The following ZNF469 variants were observed in gnomAD, a reference collection of about 807,000 sequenced individuals.
The protein encoded by ZNF469 is zinc finger protein 469.
Under a neutral mutation model 1.0 loss-of-function variants are expected in ZNF469, and 1 was observed. That is an observed-to-expected ratio of 1.00 (90% CI 0.35 to 4.73). The LOEUF is 4.73. Among genes scored for constraint, ZNF469 ranks in the 30% most tolerant of loss-of-function variants. The pLI is 0.16. For missense variants in ZNF469, 6,100 were observed against 5,356.3 expected (o/e 1.14, Z -4.33); for synonymous variants, 2,703 against 2,363.4 (o/e 1.14, Z -4.17).
chr16:88,154,226 C>T, the ZNF469 span, among the ~76,000 whole-genome samples: 8 of 152,328 alleles, frequency 5.3e-5, no homozygotes, highest in Middle Eastern at 3.4e-3. Flanking sequence ...GGCGTGATCT[C>T]GGCTTACTGC....
chr16:88,415,876 G>A (rs2142286755), intron 1 of ZNF469, among the ~76,000 whole-genome samples: 1 of 152,364 alleles, frequency 6.6e-6, no homozygotes, highest in Non-Finnish European at 1.5e-5. Flanking sequence ...GGTGCTCATA[G>A]TGTCCTTCCT....
chr16:88,277,440 C>T, the ZNF469 span, among the ~76,000 whole-genome samples: 1 of 149,986 alleles, frequency 6.7e-6, no homozygotes. Flanking sequence ...TGCTGCACCA[C>T]ACTGACGCTT....
At chr16:88,271,066 C>G in the ZNF469 span, among the ~76,000 whole-genome samples, 1 of 152,082 alleles carries the variant, frequency 6.6e-6, no homozygotes, top group Admixed American at 6.6e-5. Flanking sequence ...GAGTCGCATT[C>G]CCTCTCTGAG....
At chr16:88,417,601 G>A (rs577686677) in intron 1 of ZNF469, among the ~76,000 whole-genome samples, 3 of 152,324 alleles carry the variant, frequency 2.0e-5, no homozygotes, top group East Asian at 3.9e-4. Context: ...CCCGCACATG[G>A]TCCCTCTTCC....
At chr16:88,419,836 G>T (rs1326182089) in intron 1 of ZNF469, among the ~76,000 whole-genome samples, 2 of 152,236 alleles carry the variant, frequency 1.3e-5, no homozygotes, top group East Asian at 3.9e-4. Flanking sequence ...TCTCTCTCAG[G>T]CCAGGGCCTT....
the ZNF469 span, among the ~76,000 whole-genome samples, chr16:88,229,884 C>T: frequency 5.9e-5 from 9 of 152,176 alleles, no homozygotes; most frequent in Non-Finnish European, 1.0e-4. Flanking sequence ...GCAGCAGGGC[C>T]GGTGGCTCTC....
At chr16:88,102,773 G>C in the ZNF469 span, among the ~76,000 whole-genome samples, 2 of 152,198 alleles carry the variant, frequency 1.3e-5, no homozygotes, top group African/African-American at 2.4e-5. Flanking sequence ...GGGGTGGTGG[G>C]TCACTTGCTA....
At chr16:88,421,907 C>T (rs1441552294) in intron 1 of ZNF469, among the ~76,000 whole-genome samples, 1 of 152,264 alleles carries the variant, frequency 6.6e-6, no homozygotes. Context: ...TGTCACATCA[C>T]TGTGTGCCCA....
chr16:88,341,410 G>A, the ZNF469 span, among the ~76,000 whole-genome samples: 4 of 152,168 alleles, frequency 2.6e-5, no homozygotes, highest in Admixed American at 6.5e-5. Flanking sequence ...GCTGGGCAGC[G>A]TGAGGCAGGG....
In ZNF469 at chr16:88,436,339, G is replaced by A. The variant is rs573884006; in HGVS notation, c.8869G>A (p.Gly2957Ser). Residue 2957 changes from glycine (G) to serine (S), a missense_variant, in exon 3 of 3, where the codon GGC becomes AGC. By Grantham distance (56) the Gly-to-Ser change is moderately conservative (BLOSUM62 0). Transcript: ENST00000565624. ...RVPGIDPWAP[G>S]LSLWALEPSR... is the part of the protein sequence containing the mutation. ...GCCTGGCATTGACCCCTGGGCCCCC[G>A]GCCTCAGCCTGTGGGCCCTGGAGCC... is the stretch of plus-strand genomic sequence containing the variant. 836 of 1,549,546 alleles carry A rather than the reference G, an allele frequency of 5.4e-4. 7 individuals carry two copies. In the African/African-American group the frequency reaches 9.0e-3, roughly 17 times the overall value.
At position 88,438,304 on chromosome 16, in the gene ZNF469, G is replaced by C. The variant is rs1288117653; in HGVS notation, c.10834G>C (p.Glu3612Gln). 1 of 1,549,244 alleles carries C rather than the reference G, an allele frequency of 6.5e-7. No homozygotes were observed. Among genetic ancestry groups the C allele is most frequent in the Admixed American group, 2.0e-5 (1 of 50,998 alleles). The change falls in exon 3 of 3, where the codon GAG becomes CAG. Residue 3612 changes from glutamate (E) to glutamine (Q), a missense_variant. Physicochemically the swap from Glu to Gln is conservative, Grantham distance 29. Coordinates refer to ENST00000565624, the MANE Select transcript of ZNF469 (RefSeq NM_001367624.2). The part of the protein sequence containing the change: ...PRPGARGQDA[E>Q]GKRAPLVFSG... ...GCCGGGAGCCAGAGGCCAAGATGCG[G>C]AGGGAAAGAGGGCTCCTCTCGTGTT...
chr16:88,215,962 A>G, the ZNF469 span, among the ~76,000 whole-genome samples: 63 of 152,272 alleles, frequency 4.1e-4, 2 homozygotes, highest in African/African-American at 1.4e-3. Context: ...ATATTTGTCC[A>G]CAGATTTACT....
chr16:88,274,933 G>A, the ZNF469 span, among the ~76,000 whole-genome samples: 2 of 152,206 alleles, frequency 1.3e-5, no homozygotes, highest in African/African-American at 2.4e-5. Flanking sequence ...TACAAACAGC[G>A]TATACACGCT....
At chr16:88,132,058 G>T in the ZNF469 span, among the ~76,000 whole-genome samples, 5,033 of 151,960 alleles carry the variant, frequency 0.033, no homozygotes, top group African/African-American at 0.11. Context: ...CATCGGCTTT[G>T]AATCACGGCC....
chr16:88,118,321 C>A, the ZNF469 span, among the ~76,000 whole-genome samples: 1 of 152,230 alleles, frequency 6.6e-6, no homozygotes, highest in East Asian at 1.9e-4. Context: ...GAATTCTTCG[C>A]AGTGTTCTGG....
the ZNF469 span, among the ~76,000 whole-genome samples, chr16:88,226,525 C>T: frequency 9.0e-4 from 137 of 152,212 alleles, 1 homozygote; most frequent in African/African-American, 3.1e-3. Flanking sequence ...CTGTGACCTC[C>T]GGAGTTGGGA....
chr16:88,164,901 T>G, the ZNF469 span, among the ~76,000 whole-genome samples: 2 of 152,230 alleles, frequency 1.3e-5, no homozygotes, highest in Admixed American at 6.5e-5. Flanking sequence ...CAGTCTACAC[T>G]GAGCGTGCTT....
At chr16:88,351,255 A>G in the ZNF469 span, among the ~76,000 whole-genome samples, 2 of 152,330 alleles carry the variant, frequency 1.3e-5, no homozygotes, top group South Asian at 4.1e-4. Context: ...CCGGGTGCCC[A>G]GCTGCGGGTC....
the ZNF469 span, among the ~76,000 whole-genome samples, chr16:88,296,721 C>T: frequency 0.031 from 4,658 of 151,550 alleles, 229 homozygotes; most frequent in African/African-American, 0.1. Flanking sequence ...CTCACACATT[C>T]GCCCATGCTC....
Sources: allele counts gnomAD v4.1 joint callset (sites outside exome capture counted in the v4.1 genomes callset), GRCh38; gene constraint gnomAD v4.1.1; transcripts MANE v1.5; gene names NCBI Gene and HGNC (gene_info 2026-07-23, HGNC 2026-07-21).